Variants in HNRNPM observed in about 807,000 individuals in gnomAD.
HNRNPM encodes CEA receptor.
In HNRNPM, 11 loss-of-function variants were observed where a neutral mutation model predicts 73.1. The observed-to-expected ratio is 0.15, with a 90% CI of 0.09 to 0.25. HNRNPM has a LOEUF of 0.25. Ranked by LOEUF, HNRNPM falls within the 10% of genes least tolerant of loss-of-function variation. The probability of loss-of-function intolerance (pLI) is 1.00; values close to 1 mark genes in which losing one functional copy is unlikely to be tolerated. For synonymous variants in HNRNPM, 407 were observed against 355.2 expected (o/e 1.15, Z -1.64); for missense variants, 789 against 1,067.9 (o/e 0.74, Z 3.64).
Position 8,463,499 on chromosome 19 carries a change from A to G in HNRNPM, c.339A>G (p.Gly113=). The G allele has an allele frequency of 6.2e-7, 1 of 1,613,392 alleles. No individual in the cohort carries two copies. Among genetic ancestry groups the G allele is most frequent in the East Asian group, 2.2e-5 (1 of 44,860 alleles). Residue 113 remains glycine (G), a splice_region_variant and synonymous_variant, in exon 4 of 16, where the codon GGA becomes GGG. Transcript: ENST00000325495. Reference sequence around the variant, plus strand: ...CTGGTCTCTGGCTTCCTCCAAAGGGATGTGCGTAAGTATCGTCTAGTTACT... The same window carrying G: ...CTGGTCTCTGGCTTCCTCCAAAGGGGTGTGCGTAAGTATCGTCTAGTTACT... ...LLMDAEGKSR[G]CAVVEFKMEE... is the part of the protein sequence containing the mutation.
intron 12 of HNRNPM, among the ~76,000 whole-genome samples, chr19:8,474,513 G>A (rs1970370625): frequency 6.6e-6 from 1 of 152,122 alleles, no homozygotes; most frequent in African/African-American, 2.4e-5. Context: ...GTACACGTTC[G>A]TGGTTATGGT....
In HNRNPM at chr19:8,473,766, T is replaced by C. The variant is rs79832765; in HGVS notation, c.1042+58T>C. ...CACTTTTAGGCATAGTTTTCTCTCT[T>C]TCCTCTTTTCTTTCTTGTTTAAACC... is the stretch of plus-strand genomic sequence containing the variant. On this transcript the variant is annotated intron_variant, in intron 11 of 15. Transcript: ENST00000325495. 2,710 of 1,056,006 alleles carry C rather than the reference T, an allele frequency of 2.6e-3. 41 individuals carry two copies. The East Asian group carries it at 0.041, about 16-fold the overall frequency. The allele number at this position is 1,056,006 out of a possible 1,614,324, so 65.4% of individuals were successfully genotyped here.
At chr19:8,448,454 C>T (rs923926658) in intron 1 of HNRNPM, among the ~76,000 whole-genome samples, 7 of 149,902 alleles carry the variant, frequency 4.7e-5, no homozygotes, top group African/African-American at 1.5e-4. Context: ...ATGACTTAAC[C>T]TGCTCCCCTT....
chr19:8,451,857 A>G (rs1280611084), intron 1 of HNRNPM, among the ~76,000 whole-genome samples: 1 of 152,014 alleles, frequency 6.6e-6, no homozygotes, highest in Non-Finnish European at 1.5e-5. Context: ...CTCGAATGAT[A>G]TTTCTTTGAG....
In HNRNPM at chr19:8,485,967, T is replaced by A; in HGVS notation, c.1539T>A (p.Ser513=). 6.2e-7 allele frequency: 1 copy of A among 1,604,426 alleles called. No individual in the cohort carries two copies. The highest frequency in any genetic ancestry group is 1.4e-5 in the African/African-American group (1 of 74,044). Residue 513 remains serine (S), a synonymous_variant, in exon 14 of 16, where the codon TCT becomes TCA. Transcript: ENST00000325495. ...RVGQTIERMG[S]GVERMGPAIE... ...GCCAGACCATTGAGCGCATGGGCTC[T>A]GGCGTGGAGCGCATGGGCCCTGCCA...
chr19:8,481,285 TGAG>T (rs1382326931), intron 12 of HNRNPM, among the ~76,000 whole-genome samples: 1 of 152,176 alleles, frequency 6.6e-6, no homozygotes, highest in Non-Finnish European at 1.5e-5. Context: ...AGTGGCCTAG[TGAG>T]GACGCTGGTG....
intron 2 of HNRNPM, among the ~76,000 whole-genome samples, chr19:8,459,211 C>T (rs920215830): frequency 1.3e-5 from 2 of 152,190 alleles, no homozygotes; most frequent in Admixed American, 1.3e-4. Flanking sequence ...ACAGGCCTGG[C>T]CGCAGCCTGC....
Position 8,454,470 on chromosome 19 carries a change from A to G in HNRNPM, c.114-935A>G, listed in dbSNP as rs147882209. Among the ~76,000 whole-genome samples the G allele has an allele frequency of 1.4e-3, 209 of 152,136 alleles. 1 individual carries two copies. Among genetic ancestry groups the G allele is most frequent in the African/African-American group, 4.7e-3 (194 of 41,520 alleles). On this transcript the variant is annotated intron_variant, in intron 1 of 15. Transcript: ENST00000325495. The stretch of plus-strand genomic sequence containing the variant: ...GGATAGTCCGTGTTTTGTTTATTCC[A>G]TTCATCTATTGGTAGACACTTGGTT...
intron 2 of HNRNPM, among the ~76,000 whole-genome samples, 198 bp downstream of exon 2, chr19:8,455,772 TG>T (rs1968969223): frequency 6.6e-6 from 1 of 151,264 alleles, no homozygotes; most frequent in African/African-American, 2.4e-5. Context: ...TTTTGTTTTG[TG>T]GTCATACCCC....
At chr19:8,452,171 G>A (rs1052734623) in intron 1 of HNRNPM, among the ~76,000 whole-genome samples, 3 of 152,170 alleles carry the variant, frequency 2.0e-5, no homozygotes, top group African/African-American at 7.2e-5. Flanking sequence ...TGGAATATAG[G>A]TTAGACACTT....
intron 2 of HNRNPM, among the ~76,000 whole-genome samples, chr19:8,457,455 T>C (rs1969101220): frequency 6.6e-6 from 1 of 152,170 alleles, no homozygotes; most frequent in Non-Finnish European, 1.5e-5. Flanking sequence ...TCTCAGTGTA[T>C]TTTTGGTGGT....
chr19:8,485,678 A>G lies in HNRNPM; in HGVS notation c.1250A>G (p.Glu417Gly). 1 of 1,607,810 alleles carries G rather than the reference A, an allele frequency of 6.2e-7. No homozygotes were observed. Among genetic ancestry groups the G allele is most frequent in the Non-Finnish European group, 8.5e-7 (1 of 1,179,628 alleles). Residue 417 changes from glutamate to glycine, a missense_variant, in exon 14 of 16, where the codon GAG becomes GGG. Glu to Gly is a moderately conservative substitution (Grantham distance 98). This residue lies in a region of HNRNPM where 604 missense variants were observed against 744.0 expected (regional missense o/e 0.81). Transcript: ENST00000325495. ...GACCGCCTCGGGGGTGCCGGCATGG[A>G]GCGCATGGGCGCGGGCCTGGGCCAC... Reference protein sequence around the residue: ...GIDRLGGAGMERMGAGLGHGM... With the variant: ...GIDRLGGAGMGRMGAGLGHGM...
intron 2 of HNRNPM, among the ~76,000 whole-genome samples, chr19:8,458,593 A>G (rs1400765504): frequency 6.6e-6 from 1 of 152,254 alleles, no homozygotes; most frequent in Non-Finnish European, 1.5e-5. Context: ...GTGAGTAAAT[A>G]GAGCCCAGGT....
chr19:8,450,871 A>G (rs1379880296), intron 1 of HNRNPM, among the ~76,000 whole-genome samples: 2 of 149,258 alleles, frequency 1.3e-5, no homozygotes, highest in Non-Finnish European at 3.0e-5. Flanking sequence ...CTAGGATTAC[A>G]GGCACCCGCC....
chr19:8,485,510 G>GAT (rs1971212404), intron 13 of HNRNPM, 93 bp from the exon 14 acceptor site: 1 of 1,265,798 alleles, frequency 7.9e-7, no homozygotes, highest in Non-Finnish European at 1.1e-6. Flanking sequence ...CTTTACCCCT[G>GAT]ATCCATGCCC....
chr19:8,483,297 G>T, intron 13 of HNRNPM, 86 bp downstream of exon 13: 4 of 1,020,498 alleles, frequency 3.9e-6, no homozygotes, highest in Non-Finnish European at 6.1e-6. Flanking sequence ...GAGAAGTGCG[G>T]GTTCTGACAC....
intron 1 of HNRNPM, among the ~76,000 whole-genome samples, chr19:8,448,473 AT>A (rs33965463): frequency 0.4 from 57,082 of 142,404 alleles, 12,192 homozygotes; most frequent in Non-Finnish European, 0.48. Flanking sequence ...TTCCTGAGTA[AT>A]TTTTTTTTTT....
Position 8,479,078 on chromosome 19 carries a change from C to CTTTTTTT in HNRNPM, c.1121-4062_1121-4056dup, listed in dbSNP as rs74176651. Among the ~76,000 whole-genome samples the CTTTTTTT allele has an allele frequency of 3.5e-3, 262 of 73,822 alleles. 19 individuals are homozygous for CTTTTTTT. The highest frequency in any genetic ancestry group is 0.014 in the Middle Eastern group (1 of 74). 48.4% of individuals were successfully genotyped at this position (73,822 alleles called of 152,430 possible). A position where few individuals can be genotyped will look rare whatever the true frequency, so the allele number is the denominator to read the frequency against. Reference sequence around the variant, plus strand: ...ATTTCCTCCTCTTTTTTCTTTCTTTCTTTTTTTTTTTTTTTTTTTTTTTTC... The same window carrying CTTTTTTT: ...ATTTCCTCCTCTTTTTTCTTTCTTTCTTTTTTTTTTTTTTTTTTTTTTTTTTTTTTTC... On this transcript the variant is annotated intron_variant, in intron 12 of 15. Transcript: ENST00000325495.
At chr19:8,467,236 C>T (rs1969818785) in intron 7 of HNRNPM, among the ~76,000 whole-genome samples, 1 of 152,058 alleles carries the variant, frequency 6.6e-6, no homozygotes, top group African/African-American at 2.4e-5. Context: ...GATGCCTGGC[C>T]CATTGGTCAC....
Sources: gnomAD v4.1 joint callset for allele counts (sites outside exome capture counted in the v4.1 genomes callset) on GRCh38, gnomAD v4.1.1 for gene constraint, gnomAD v4.1.1 regional missense constraint, MANE v1.5 for transcripts, NCBI Gene and HGNC (gene_info 2026-07-23, HGNC 2026-07-21) for gene names.